The following GPD2 variants were observed in gnomAD, a reference collection of about 807,000 sequenced individuals.
GPD2 encodes the protein glycerol-3-phosphate dehydrogenase, mitochondrial.
A neutral mutation model predicts 82.4 loss-of-function variants in GPD2; 54 were observed. That is an observed-to-expected ratio of 0.66 (90% CI 0.53 to 0.82). GPD2 has a LOEUF of 0.82. Ranked by LOEUF, GPD2 falls within the 40% of genes least tolerant of loss-of-function variation. The probability of loss-of-function intolerance (pLI) is 0.00; values close to 1 mark genes in which losing one functional copy is unlikely to be tolerated. For synonymous variants in GPD2, 288 were observed against 306.1 expected, an observed-to-expected ratio of 0.94 and a Z score of 0.62; for missense variants, 748 against 896.2, an observed-to-expected ratio of 0.83 and a Z score of 2.11.
At chr2:156,530,011 T>A (rs1177364305) in intron 6 of GPD2, among the ~76,000 whole-genome samples, 2 of 151,510 alleles carry the variant, frequency 1.3e-5, no homozygotes, top group East Asian at 3.9e-4. Context: ...TGGCATTGAA[T>A]CTGTAAATTA....
intron 1 of GPD2, among the ~76,000 whole-genome samples, chr2:156,454,510 A>G (rs1444147590): frequency 6.6e-6 from 1 of 151,892 alleles, no homozygotes; most frequent in Non-Finnish European, 1.5e-5. Context: ...AAAAAGTGAT[A>G]ATATAACCAA....
At chr2:156,457,593 C>T (rs1003769680) in intron 1 of GPD2, among the ~76,000 whole-genome samples, 2 of 152,170 alleles carry the variant, frequency 1.3e-5, no homozygotes, top group East Asian at 1.9e-4. Context: ...CAGAAGAGGC[C>T]GCCTGCCTGT....
At chr2:156,551,600 C>T (rs866983155) in intron 8 of GPD2, among the ~76,000 whole-genome samples, 18 of 152,062 alleles carry the variant, frequency 1.2e-4, no homozygotes, top group African/African-American at 3.4e-4. Context: ...TTCATTATGG[C>T]ATTGTTTGTA....
intron 2 of GPD2, among the ~76,000 whole-genome samples, chr2:156,486,515 G>T (rs1683947714): frequency 6.6e-6 from 1 of 152,174 alleles, no homozygotes; most frequent in African/African-American, 2.4e-5. Context: ...AAACTTTTTA[G>T]GGATGTTGTA....
chr2:156,463,213 ATTAT>A (rs1345073921), intron 1 of GPD2, among the ~76,000 whole-genome samples: 1 of 152,218 alleles, frequency 6.6e-6, no homozygotes, highest in Non-Finnish European at 1.5e-5. Flanking sequence ...CATGGTTAAT[ATTAT>A]TTAAGAAGCC....
intron 2 of GPD2, among the ~76,000 whole-genome samples, chr2:156,493,926 A>ATGTGTGTGTGTGTGTGTGTGTG (rs542950582): frequency 9.1e-4 from 124 of 136,312 alleles, no homozygotes; most frequent in African/African-American, 3.3e-3. Flanking sequence ...ATATATATGT[A>ATGTGTGTGTGTGTGTGTGTGTG]TGTGTGTGTG....
At chr2:156,472,465 C>T (rs139811893) in intron 1 of GPD2, among the ~76,000 whole-genome samples, 3,730 of 152,042 alleles carry the variant, frequency 0.025, 101 homozygotes, top group African/African-American at 0.065. Context: ...GGATTACAGG[C>T]GCATGCCACT....
the GPD2 span, among the ~76,000 whole-genome samples, chr2:156,401,524 C>T: frequency 2.0e-5 from 3 of 152,294 alleles, no homozygotes; most frequent in South Asian, 4.1e-4. Flanking sequence ...ACAACTCTCC[C>T]TCCAACCCCC....
intron 1 of GPD2, among the ~76,000 whole-genome samples, chr2:156,451,548 G>T (rs1400972525): frequency 1.5e-5 from 2 of 136,388 alleles, no homozygotes; most frequent in Admixed American, 7.1e-5. Flanking sequence ...CCCAGACGGG[G>T]CGGCTGGCCG....
intron 1 of GPD2, among the ~76,000 whole-genome samples, chr2:156,444,466 A>G (rs1024845191): frequency 5.9e-5 from 9 of 152,182 alleles, no homozygotes; most frequent in Admixed American, 3.3e-4. Context: ...TAATCCCAGC[A>G]CTTTGGGAGG....
the GPD2 span, among the ~76,000 whole-genome samples, chr2:156,419,049 C>CTTTT: frequency 2.7e-4 from 21 of 77,198 alleles, no homozygotes; most frequent in Non-Finnish European, 4.5e-4. Context: ...TTCTTTCCTT[C>CTTTT]TTTTTTTTTT....
chr2:156,420,839 G>A, the GPD2 span, among the ~76,000 whole-genome samples: 1 of 152,154 alleles, frequency 6.6e-6, no homozygotes, highest in Non-Finnish European at 1.5e-5. Flanking sequence ...GCCACAGGAT[G>A]CTAGAAAGAA....
chr2:156,558,956 A>G (rs1463074435), intron 9 of GPD2, among the ~76,000 whole-genome samples: 1 of 151,650 alleles, frequency 6.6e-6, no homozygotes, highest in Non-Finnish European at 1.5e-5. Context: ...GCATGTTTAT[A>G]TTCAACTACT....
At chr2:156,426,522 G>A in the GPD2 span, among the ~76,000 whole-genome samples, 2 of 152,272 alleles carry the variant, frequency 1.3e-5, no homozygotes, top group Non-Finnish European at 2.9e-5. Flanking sequence ...AATGAGATTT[G>A]GGTAGGGACA....
chr2:156,583,301 C>G lies in GPD2; in HGVS notation c.*383C>G, dbSNP rs770880983. The G allele has an allele frequency of 3.4e-6, 1 of 291,656 alleles. No homozygotes were observed. The highest frequency in any genetic ancestry group is 6.7e-6 in the Non-Finnish European group (1 of 149,402). 18.1% of individuals were successfully genotyped at this position (291,656 alleles called of 1,614,324 possible). ...CTGGAGACATTTTGTGACATGCATA[C>G]AGATAGCATGTGTTATTAAAAAGAG... On this transcript the variant is annotated 3_prime_UTR_variant, in exon 17 of 17. Coordinates refer to ENST00000438166, the MANE Select transcript of GPD2 (RefSeq NM_000408.5).
intron 9 of GPD2, among the ~76,000 whole-genome samples, chr2:156,565,634 T>C (rs1315091473): frequency 6.6e-6 from 1 of 152,144 alleles, no homozygotes; most frequent in Non-Finnish European, 1.5e-5. Context: ...TTAAACATCC[T>C]GTAGAGGTGA....
intron 1 of GPD2, among the ~76,000 whole-genome samples, chr2:156,461,389 TTTTG>T (rs1367198550): frequency 1.3e-5 from 2 of 152,138 alleles, no homozygotes; most frequent in African/African-American, 2.4e-5. Flanking sequence ...CCACTGACTT[TTTTG>T]TTTGTTTGTT....
chr2:156,402,422 G>A, the GPD2 span, among the ~76,000 whole-genome samples: 15 of 152,198 alleles, frequency 9.9e-5, 1 homozygote, highest in Middle Eastern at 3.4e-3. Context: ...AGGGAATTAG[G>A]GAATCAGACT....
the GPD2 span, among the ~76,000 whole-genome samples, chr2:156,422,241 G>A: frequency 6.6e-6 from 1 of 152,112 alleles, no homozygotes; most frequent in Non-Finnish European, 1.5e-5. Context: ...TTATGCTCTT[G>A]TATGTGATGC....
Sources: gnomAD v4.1 joint callset for allele counts (sites outside exome capture counted in the v4.1 genomes callset) on GRCh38, gnomAD v4.1.1 for gene constraint, MANE v1.5 for transcripts, NCBI Gene and HGNC (gene_info 2026-07-23, HGNC 2026-07-21) for gene names.